WWOX: variants seen among roughly 807,000 people sequenced by gnomAD.
WWOX encodes the protein WW domain containing oxidoreductase, also known as WW domain-containing oxidoreductase.
WWOX carries 69 observed loss-of-function variants against 46.2 expected under a neutral mutation model. The observed-to-expected ratio is 1.49, with a 90% confidence interval of 1.23 to 1.82. The LOEUF (loss-of-function observed/expected upper bound fraction) is 1.82, where lower values mean the gene tolerates loss of function less well. Among genes scored for constraint, WWOX ranks in the 40% most tolerant of loss-of-function variants. The pLI is 0.00. For synonymous variants in WWOX, 359 were observed against 202.6 expected (o/e 1.77, Z -6.56); for missense variants, 919 against 542.6 (o/e 1.69, Z -6.89).
chr16:78,568,204 C>T (rs994974452), intron 8 of WWOX, among the ~76,000 whole-genome samples: 3 of 152,124 alleles, frequency 2.0e-5, no homozygotes, highest in African/African-American at 7.2e-5. Flanking sequence ...TTCTGAACAA[C>T]ATCGGCTGTG....
At chr16:79,207,737 GTATTA>G (rs747139535) in intron 8 of WWOX, among the ~76,000 whole-genome samples, 4 of 151,960 alleles carry the variant, frequency 2.6e-5, no homozygotes, top group African/African-American at 7.2e-5. Flanking sequence ...GTCCCTGTGA[GTATTA>G]TATTAGAGTA....
At chr16:78,539,381 C>A (rs1179086061) in intron 8 of WWOX, among the ~76,000 whole-genome samples, 1 of 152,134 alleles carries the variant, frequency 6.6e-6, no homozygotes, top group Non-Finnish European at 1.5e-5. Context: ...TCATAGGAGC[C>A]ATTGTTGTAG....
chr16:78,211,336 A>C (rs2036553219), intron 5 of WWOX, among the ~76,000 whole-genome samples: 1 of 152,228 alleles, frequency 6.6e-6, no homozygotes, highest in Admixed American at 6.5e-5. Flanking sequence ...AGCTCTTTTC[A>C]TTCATTCTTC....
chr16:78,731,842 TC>T (rs750719826), intron 8 of WWOX, among the ~76,000 whole-genome samples: 40 of 107,710 alleles, frequency 3.7e-4, no homozygotes, highest in Admixed American at 2.1e-3. Context: ...TTTTTTTCTT[TC>T]TCTTTTTTTT....
chr16:78,337,190 CTG>C (rs1312953357), intron 5 of WWOX, among the ~76,000 whole-genome samples: 3 of 152,300 alleles, frequency 2.0e-5, no homozygotes, highest in Admixed American at 6.5e-5. Flanking sequence ...CTGTGTAAGA[CTG>C]TGTTATTAGC....
At chr16:78,364,331 G>A (rs977792796) in intron 5 of WWOX, among the ~76,000 whole-genome samples, 1 of 152,128 alleles carries the variant, frequency 6.6e-6, no homozygotes, top group Non-Finnish European at 1.5e-5. Flanking sequence ...GTTGGTCTCT[G>A]AACTAAGGCT....
At chr16:78,871,950 C>T (rs1187552873) in intron 8 of WWOX, among the ~76,000 whole-genome samples, 1 of 152,162 alleles carries the variant, frequency 6.6e-6, no homozygotes, top group Admixed American at 6.5e-5. Flanking sequence ...TCCAGCCATG[C>T]CCTAGGGAGA....
chr16:78,202,387 G>A (rs1221500495), intron 5 of WWOX, among the ~76,000 whole-genome samples: 1 of 152,196 alleles, frequency 6.6e-6, no homozygotes, highest in South Asian at 2.1e-4. Flanking sequence ...TAGCTGGTCA[G>A]GTTTCTTAAA....
At chr16:78,248,376 A>G (rs1215509548) in intron 5 of WWOX, among the ~76,000 whole-genome samples, 1 of 152,194 alleles carries the variant, frequency 6.6e-6, no homozygotes, top group Admixed American at 6.5e-5. Flanking sequence ...TAAACCATGC[A>G]TGAGAAATCT....
At chr16:79,130,838 G>C (rs183823832) in intron 8 of WWOX, among the ~76,000 whole-genome samples, 34 of 152,252 alleles carry the variant, frequency 2.2e-4, no homozygotes, top group African/African-American at 7.9e-4. Flanking sequence ...CATGTTCTCC[G>C]CACAGTGCGG....
intron 5 of WWOX, among the ~76,000 whole-genome samples, chr16:78,294,428 C>A (rs1343651176): frequency 6.6e-6 from 1 of 152,064 alleles, no homozygotes; most frequent in African/African-American, 2.4e-5. Context: ...TCCAATATTG[C>A]TGGCTTCTAC....
At chr16:79,028,466 A>G (rs1350729575) in intron 8 of WWOX, among the ~76,000 whole-genome samples, 1 of 151,764 alleles carries the variant, frequency 6.6e-6, no homozygotes, top group East Asian at 1.9e-4. Flanking sequence ...TGAAGAGTTG[A>G]TAAAAAAGCA....
chr16:78,407,667 C>G (rs1021375851), intron 6 of WWOX, among the ~76,000 whole-genome samples: 12 of 152,146 alleles, frequency 7.9e-5, no homozygotes, highest in African/African-American at 2.9e-4. Flanking sequence ...ATAAATGACT[C>G]TTTCTTGATC....
At chr16:78,158,179 T>C (rs968656822) in intron 4 of WWOX, among the ~76,000 whole-genome samples, 25 of 152,232 alleles carry the variant, frequency 1.6e-4, no homozygotes, top group African/African-American at 5.8e-4. Flanking sequence ...GGGAGTGATA[T>C]GAATGAATGA....
At chr16:78,268,515 G>A (rs576533416) in intron 5 of WWOX, among the ~76,000 whole-genome samples, 2 of 152,244 alleles carry the variant, frequency 1.3e-5, no homozygotes, top group Admixed American at 6.5e-5. Context: ...GGAAGACATC[G>A]AGAGCATGGT....
chr16:78,348,272 C>T (rs1385320105), intron 5 of WWOX, among the ~76,000 whole-genome samples: 1 of 120,662 alleles, frequency 8.3e-6, no homozygotes, highest in Admixed American at 8.0e-5. Context: ...AGTAGAGAAG[C>T]TGGAATTTGA....
At chr16:79,203,617 C>T (rs1363803692) in intron 8 of WWOX, 1 of 151,862 alleles carries the variant, frequency 6.6e-6, no homozygotes, top group Admixed American at 6.6e-5. Context: ...GTGGTTCGTC[C>T]TGAAATCCTC....
intron 8 of WWOX, among the ~76,000 whole-genome samples, chr16:78,777,082 A>T (rs570379788): frequency 6.6e-6 from 1 of 152,310 alleles, no homozygotes. Context: ...AAAATTGGGA[A>T]TGAAGTTTAG....
chr16:79,108,190 G>C (rs751595705), intron 8 of WWOX, among the ~76,000 whole-genome samples: 1 of 152,238 alleles, frequency 6.6e-6, no homozygotes, highest in African/African-American at 2.4e-5. Context: ...CACTGTCTAA[G>C]TGTTAAATGG....
Sources: gnomAD v4.1 joint callset for allele counts (sites outside exome capture counted in the v4.1 genomes callset) on GRCh38, gnomAD v4.1.1 for gene constraint, MANE v1.5 for transcripts, NCBI Gene and HGNC (gene_info 2026-07-23, HGNC 2026-07-21) for gene names.